The following IGDCC4 variants were observed in gnomAD, a reference collection of about 807,000 sequenced individuals.
The protein encoded by IGDCC4 is immunoglobulin superfamily DCC subclass member 4, also known as likely ortholog of mouse neighbor of Punc E11.
In IGDCC4, 72 loss-of-function variants were observed where a neutral mutation model predicts 116.6. That is an observed-to-expected ratio of 0.62 (90% CI 0.51 to 0.75). The LOEUF (loss-of-function observed/expected upper bound fraction) is 0.75, where lower values mean the gene tolerates loss of function less well. IGDCC4 is among the 30% of genes least tolerant of loss of function. IGDCC4 has a pLI of 0.00. For missense variants in IGDCC4, 1,501 were observed against 1,662.4 expected (o/e 0.90, Z 1.69); for synonymous variants, 709 against 719.9 (o/e 0.98, Z 0.24).
At position 65,385,024 on chromosome 15, in the gene IGDCC4, CG is replaced by C; in HGVS notation, c.3271del (p.Arg1091GlyfsTer23). 6.2e-7 allele frequency: 1 copy of C among 1,606,896 alleles called. No individual in the cohort carries two copies. Among genetic ancestry groups the C allele is most frequent in the Non-Finnish European group, 8.5e-7 (1 of 1,177,736 alleles). ...PQAGPRPALT[R>X]ALLPPAGTGQ... ...AGTTCCAGCAGGGGGCAGCAGGGCC[CG>C]GGTCAGAGCCGGCCGGGGGCCTGCC... On this transcript the variant is annotated frameshift_variant, in exon 19 of 20. Coordinates refer to ENST00000352385, the MANE Select transcript of IGDCC4 (RefSeq NM_020962.3). LOFTEE classifies it high-confidence loss of function.
intron 16 of IGDCC4, among the ~76,000 whole-genome samples, chr15:65,388,152 C>G (rs978985569): frequency 4.4e-4 from 66 of 151,166 alleles, no homozygotes; most frequent in Non-Finnish European, 9.0e-4. Flanking sequence ...GCTGAGGCAG[C>G]AGAATCGCTT....
intron 5 of IGDCC4, 110 bp from the exon 6 acceptor site, chr15:65,397,099 C>T: frequency 7.5e-7 from 1 of 1,333,638 alleles, no homozygotes; most frequent in Non-Finnish European, 1.0e-6. Context: ...CACAACCGTC[C>T]CTGGTCCGAA....
At chr15:65,416,768 G>A (rs1183742275) in intron 1 of IGDCC4, among the ~76,000 whole-genome samples, 2 of 152,172 alleles carry the variant, frequency 1.3e-5, no homozygotes, top group African/African-American at 2.4e-5. Flanking sequence ...CCCTGTCAGA[G>A]ACACAGAGCT....
In IGDCC4 at chr15:65,388,911, C is replaced by T; in HGVS notation, c.2604G>A (p.Trp868Ter). 1.2e-6 allele frequency: 2 copies of T among 1,613,644 alleles called. No homozygotes were observed. The highest frequency in any genetic ancestry group is 1.7e-6 in the Non-Finnish European group (2 of 1,179,916). Reference protein sequence around the residue: ...PLTPSTVRLHWCPPTEPNGEI... With the variant: ...PLTPSTVRLH ...CCCCGTTGGGCTCTGTGGGGGGGCA[C>T]CAGTGCAGCCGAACCGTGGACGGTG... The change falls in exon 15 of 20, where the codon TGG becomes TGA. Residue 868 changes from tryptophan (W) to a stop codon, truncating the protein, a stop_gained. Coordinates refer to ENST00000352385, the MANE Select transcript of IGDCC4 (RefSeq NM_020962.3). LOFTEE classifies it high-confidence loss of function.
intron 1 of IGDCC4, among the ~76,000 whole-genome samples, chr15:65,414,412 T>C (rs1292031763): frequency 6.6e-6 from 1 of 152,208 alleles, no homozygotes; most frequent in Admixed American, 6.5e-5. Context: ...GCATTCACAC[T>C]ACTGCGGGCC....
chr15:65,395,109 G>A lies in IGDCC4; in HGVS notation c.1561C>T (p.His521Tyr). ...GAGGCCCTACCATCATCCAGTGTGT[G>A]CACCAGTGCTGGGGTGGAGGTGCGG... ...ASRTSTPALV[H>Y]TLDDVPSAAP... is the part of the protein sequence containing the mutation. Residue 521 changes from histidine (H) to tyrosine (Y), a missense_variant, in exon 8 of 20, where the codon CAC becomes TAC. Physicochemically the swap from His to Tyr is moderately conservative, Grantham distance 83. Around this residue, in one of 3 missense-constraint regions of IGDCC4, gnomAD observed 898 missense variants for 978.9 expected, o/e 0.92. Transcript: ENST00000352385. The A allele has an allele frequency of 6.2e-7, 1 of 1,612,176 alleles. No homozygotes were observed. The highest frequency in any genetic ancestry group is 8.5e-7 in the Non-Finnish European group (1 of 1,178,558).
intron 10 of IGDCC4, among the ~76,000 whole-genome samples, chr15:65,392,722 C>A (rs1398457051): frequency 6.6e-6 from 1 of 152,140 alleles, no homozygotes; most frequent in African/African-American, 2.4e-5. Context: ...GGATCAAACA[C>A]TGGGGGCAGT....
chr15:65,411,887 A>T (rs2063097647), intron 1 of IGDCC4, among the ~76,000 whole-genome samples: 1 of 152,154 alleles, frequency 6.6e-6, no homozygotes, highest in Non-Finnish European at 1.5e-5. Context: ...GGGTGATGAA[A>T]ATGTTCTAGA....
intron 5 of IGDCC4, among the ~76,000 whole-genome samples, chr15:65,398,846 C>T (rs1255393166): frequency 2.0e-5 from 3 of 152,142 alleles, no homozygotes; most frequent in Non-Finnish European, 4.4e-5. Flanking sequence ...GCAGAGATCG[C>T]GCCACTGCAC....
In IGDCC4 at chr15:65,384,118, G is replaced by A. The variant is rs773839039; in HGVS notation, c.3644C>T (p.Pro1215Leu). The A allele has an allele frequency of 1.2e-6, 2 of 1,613,276 alleles. No homozygotes were observed. Among genetic ancestry groups the A allele is most frequent in the Non-Finnish European group, 1.7e-6 (2 of 1,179,682 alleles). The change falls in exon 20 of 20, where the codon CCA becomes CTA. Residue 1215 changes from proline (P) to leucine (L), a missense_variant. This residue lies in a region of IGDCC4 where 368 missense variants were observed against 355.6 expected (regional missense o/e 1.03). Coordinates refer to ENST00000352385, the MANE Select transcript of IGDCC4 (RefSeq NM_020962.3). This position sits in a 1 kb window ranked among gnomAD's most constrained non-coding sequence, Gnocchi z 4.9. The stretch of plus-strand genomic sequence containing the variant: ...AGGGGTCTCCTCTAGCACCTCGCCT[G>A]GCTGGAGGTCCGGGTAGGAGCAGGA... The part of the protein sequence containing the change: ...SASCSYPDLQ[P>L]GEVLEETPGD...
chr15:65,406,987 A>T (rs1027543766), intron 3 of IGDCC4, among the ~76,000 whole-genome samples: 34 of 152,122 alleles, frequency 2.2e-4, no homozygotes, highest in Admixed American at 1.8e-3. Context: ...TTAATTTTTT[A>T]AAAAATTAAA....
chr15:65,411,420 C>A, intron 1 of IGDCC4, 50 bp from the exon 2 acceptor site: 1 of 1,444,220 alleles, frequency 6.9e-7, no homozygotes, highest in South Asian at 1.4e-5. Flanking sequence ...CCCCACCTCC[C>A]ACAGCCTCTG....
chr15:65,387,468 C>T (rs1283968323), intron 16 of IGDCC4, among the ~76,000 whole-genome samples: 1 of 152,166 alleles, frequency 6.6e-6, no homozygotes, highest in African/African-American at 2.4e-5. Flanking sequence ...CCTGCCTCAG[C>T]CTCCTGAGTA....
intron 1 of IGDCC4, among the ~76,000 whole-genome samples, chr15:65,419,028 T>A (rs1039173596): frequency 2.0e-5 from 3 of 152,106 alleles, no homozygotes; most frequent in African/African-American, 7.2e-5. Context: ...AAAAACAGGT[T>A]CATGCTAAAA....
chr15:65,402,594 C>A, intron 3 of IGDCC4, 107 bp from the exon 4 acceptor site: 3 of 1,397,992 alleles, frequency 2.1e-6, no homozygotes, highest in Non-Finnish European at 2.9e-6. Flanking sequence ...CCAGGCTGGG[C>A]GCAGTGGCTC....
At position 65,395,847 on chromosome 15, in the gene IGDCC4, C is replaced by G; in HGVS notation, c.1314G>C (p.Thr438=). The G allele has an allele frequency of 6.3e-7, 1 of 1,574,820 alleles. No homozygotes were observed. Among genetic ancestry groups the G allele is most frequent in the Non-Finnish European group, 8.6e-7 (1 of 1,167,086 alleles). ...LPSAPTRVTA[T]PLSSSAVLVA... ...CCAACACAGCGGAGCTGCTCAGTGG[C>G]GTAGCAGTGACCCGCGTGGGGGCGC... is the stretch of plus-strand genomic sequence containing the variant. Residue 438 remains threonine, a synonymous_variant, in exon 7 of 20, where the codon ACG becomes ACC. Coordinates refer to ENST00000352385, the MANE Select transcript of IGDCC4 (RefSeq NM_020962.3).
chr15:65,395,723 G>A lies in IGDCC4; in HGVS notation c.1411+27C>T, dbSNP rs187671941. The A allele has an allele frequency of 4.8e-4, 684 of 1,423,774 alleles. 3 individuals carry two copies. The African/African-American group carries it at 9.1e-3, about 19-fold the overall frequency. The allele number at this position is 1,423,774 out of a possible 1,614,324, so 88.2% of individuals were successfully genotyped here. On this transcript the variant is annotated intron_variant, in intron 7 of 19. Transcript: ENST00000352385. ...GCTGCGCCCCGCCCGGGCCTGCGCT[G>A]GTGCATCCCGCCCCAGGCCGACGTA... is the stretch of plus-strand genomic sequence containing the variant.
In IGDCC4 at chr15:65,386,016, G is replaced by C; in HGVS notation, c.2995C>G (p.Pro999Ala). ...AGCCGAGCTCTGGAGTACAGCGCGG[G>C]ATTCCCGGGGGTGGCGGTGGAGGAC... ...GLSSTATPGN[P>A]ALYSRARLGP... Residue 999 changes from proline (P) to alanine (A), a missense_variant, in exon 18 of 20, where the codon CCC becomes GCC. Physicochemically the swap from Pro to Ala is conservative, Grantham distance 27 (BLOSUM62 -1). Around this residue, in one of 3 missense-constraint regions of IGDCC4, gnomAD observed 368 missense variants for 355.6 expected, o/e 1.03. Transcript: ENST00000352385. 1.7e-5 allele frequency: 26 copies of C among 1,566,796 alleles called. No homozygotes were observed. Among genetic ancestry groups the C allele is most frequent in the Non-Finnish European group, 2.1e-5 (24 of 1,160,604 alleles).
Position 65,411,079 on chromosome 15 carries a change from C to A in IGDCC4, c.362G>T (p.Cys121Phe), listed in dbSNP as rs377304189. Residue 121 changes from cysteine (C) to phenylalanine (F), a missense_variant, in exon 2 of 20, where the codon TGC (cysteine) becomes TTC (phenylalanine). Cys to Phe is a radical substitution (Grantham distance 205). Coordinates refer to ENST00000352385, the MANE Select transcript of IGDCC4 (RefSeq NM_020962.3). ...CACTCCGAGGGGGCCGTGGGCTAGG[C>A]ACGAATAGTTGCCTTCAATGACCCC... is the stretch of plus-strand genomic sequence containing the variant. ...AVGVIEGNYS[C>F]LAHGPLGVLA... The A allele has an allele frequency of 6.2e-7, 1 of 1,614,144 alleles. No homozygotes were observed.
Sources: gnomAD v4.1 joint callset for allele counts (sites outside exome capture counted in the v4.1 genomes callset) on GRCh38, gnomAD v4.1.1 for gene constraint, gnomAD v4.1.1 regional missense constraint, Gnocchi (gnomAD v3.1) non-coding constraint, MANE v1.5 for transcripts, NCBI Gene and HGNC (gene_info 2026-07-23, HGNC 2026-07-21) for gene names.